ZNF707: variants seen among roughly 807,000 people sequenced by gnomAD.
ZNF707 encodes zinc finger protein 707.
ZNF707 carries 8 observed loss-of-function variants against 13.3 expected under a neutral mutation model. The ratio of observed to expected loss-of-function variants is 0.60; its 90% CI spans 0.35 to 1.09. The LOEUF (loss-of-function observed/expected upper bound fraction) is 1.09, where lower values mean the gene tolerates loss of function less well. ZNF707 is among the 50% of genes least tolerant of loss of function. The probability of loss-of-function intolerance (pLI) is 0.02; values close to 1 mark genes in which losing one functional copy is unlikely to be tolerated. For missense variants in ZNF707, 530 were observed against 512.6 expected (o/e 1.03, Z -0.33); for synonymous variants, 225 against 205.6 (o/e 1.09, Z -0.81).
chr8:143,688,991 T>C (rs1350461269), intron 1 of ZNF707: 1 of 152,386 alleles, frequency 6.6e-6, no homozygotes, highest in South Asian at 2.1e-4. Flanking sequence ...TAGCGTCTGC[T>C]CTTCCTCTGT....
rs782516005 is a variant in ZNF707 at position 143,691,740 on chromosome 8, C to T, written c.256+27C>T. 6.9e-5 allele frequency: 106 copies of T among 1,538,570 alleles called. No individual in the cohort carries two copies. Among genetic ancestry groups the T allele is most frequent in the Middle Eastern group, 2.0e-4 (1 of 4,944 alleles). On this transcript the variant is annotated intron_variant, in intron 5 of 5. Transcript: ENST00000358656. Reference sequence around the variant, plus strand: ...TGAGTGCTGGGCTGTCTGGGCTCGGCGGGCCCCGTCCCTGTGGCCCACAGC... The same window carrying T: ...TGAGTGCTGGGCTGTCTGGGCTCGGTGGGCCCCGTCCCTGTGGCCCACAGC...
chr8:143,692,904 G>T (rs1186251826), intron 5 of ZNF707, among the ~76,000 whole-genome samples: 1 of 151,852 alleles, frequency 6.6e-6, no homozygotes, highest in African/African-American at 2.4e-5. Flanking sequence ...TGGAGCCCCC[G>T]GCTGAAGGGA....
Position 143,693,801 on chromosome 8 carries a change from T to C in ZNF707, c.387T>C (p.Asp129=). 1.9e-6 allele frequency: 3 copies of C among 1,612,852 alleles called. No homozygotes were observed. Among genetic ancestry groups the C allele is most frequent in the Non-Finnish European group, 2.5e-6 (3 of 1,179,836 alleles). ...GGAAGGGCTTCAGGCTGGACACGGA[T>C]GACGGGCAGCTTCCCAGAGCTGCTC... The part of the protein sequence containing the change: ...SFRKGFRLDT[D]DGQLPRAAPE... Residue 129 remains aspartate, a synonymous_variant, in exon 6 of 6, where the codon GAT becomes GAC. Transcript: ENST00000358656. The surrounding 1 kb of genome is among the most constrained non-coding windows in gnomAD (Gnocchi z 4.1).
chr8:143,691,311 G>C, intron 4 of ZNF707, 112 bp downstream of exon 4: 1 of 1,456,954 alleles, frequency 6.9e-7, no homozygotes, highest in East Asian at 2.4e-5. Context: ...AGCTGAGGGG[G>C]CTCAGGAGCT....
intron 2 of ZNF707, 57 bp from the exon 3 acceptor site, chr8:143,690,000 A>G (rs1816653899): frequency 4.3e-6 from 6 of 1,409,338 alleles, no homozygotes. Context: ...TCCTGGGGTC[A>G]GGTGCGGGGG....
At chr8:143,690,312 C>T (rs1816689499) in intron 3 of ZNF707, 189 bp downstream of exon 3, 3 of 656,698 alleles carry the variant, frequency 4.6e-6, no homozygotes, top group Non-Finnish European at 7.6e-6. Flanking sequence ...TGCCTCACGC[C>T]TGTAATCCTA....
At position 143,693,520 on chromosome 8, in the gene ZNF707, C is replaced by T. The variant is rs1311314279; in HGVS notation, c.257-151C>T. 4.0e-6 allele frequency: 3 copies of T among 744,090 alleles called. No homozygotes were observed. The highest frequency in any genetic ancestry group is 4.0e-6 in the Non-Finnish European group (2 of 502,038). The allele number at this position is 744,090 out of a possible 1,614,324, so 46.1% of individuals were successfully genotyped here. Reference sequence around the variant, plus strand: ...CCTTGTTAGCCAGGATGGTCTCGATCTCCTGACCTCATGATCCACCCGCCT... The same window carrying T: ...CCTTGTTAGCCAGGATGGTCTCGATTTCCTGACCTCATGATCCACCCGCCT... On this transcript the variant is annotated intron_variant, in intron 5 of 5. Transcript: ENST00000358656. The surrounding 1 kb of genome is among the most constrained non-coding windows in gnomAD (Gnocchi z 4.1).
Position 143,690,097 on chromosome 8 carries a change from C to T in ZNF707, c.-12C>T, listed in dbSNP as rs200774107. On this transcript the variant is annotated 5_prime_UTR_variant, in exon 3 of 6. Coordinates refer to ENST00000358656, the MANE Select transcript of ZNF707 (RefSeq NM_001100598.2). ...CACTGTGCTTCCCCAGAGGGGTGGC[C>T]TCGCTGTTCCCATGGACATGGCCCA... 6.2e-7 allele frequency: 1 copy of T among 1,608,606 alleles called. No individual in the cohort carries two copies. The highest frequency in any genetic ancestry group is 8.5e-7 in the Non-Finnish European group (1 of 1,179,732).
intron 5 of ZNF707, chr8:143,692,007 A>G (rs2131531366): frequency 6.9e-7 from 1 of 1,452,380 alleles, no homozygotes; most frequent in African/African-American, 1.4e-5. Context: ...CTAGCCACCC[A>G]GGTGCTGTCC....
chr8:143,691,085 T>C lies in ZNF707; in HGVS notation c.28T>C (p.Phe10Leu). The C allele has an allele frequency of 6.2e-7, 1 of 1,613,898 alleles. No individual in the cohort carries two copies. The highest frequency in any genetic ancestry group is 2.2e-5 in the East Asian group (1 of 44,882). Residue 10 changes from phenylalanine (F) to leucine (L), a missense_variant, in exon 4 of 6, where the codon TTC (phenylalanine) becomes CTC (leucine). Phe to Leu is a conservative substitution (Grantham distance 22). Transcript: ENST00000358656. The part of the protein sequence containing the change: MDMAQEPVT[F>L]RDVAIYFSRE... Reference sequence around the variant, plus strand: ...GTGTGTGTTGCAGGAGCCAGTGACCTTCAGGGACGTGGCCATCTACTTCTC... The same window carrying C: ...GTGTGTGTTGCAGGAGCCAGTGACCCTCAGGGACGTGGCCATCTACTTCTC...
intron 1 of ZNF707, among the ~76,000 whole-genome samples, chr8:143,686,096 T>A (rs9792378): frequency 0.15 from 22,903 of 151,688 alleles, 2,294 homozygotes; most frequent in East Asian, 0.47. Context: ...GTTTTTTTTT[T>A]GTTTTTGTTT....
rs34379518 is a variant in ZNF707, at chr8:143,688,635, C to CTTTTTTT, written c.-150-552_-150-546dup. 5.3e-4 allele frequency: 47 copies of CTTTTTTT among 88,468 alleles called. 1 individual carries two copies. Among genetic ancestry groups the CTTTTTTT allele is most frequent in the Non-Finnish European group, 8.3e-4 (38 of 45,828 alleles). The allele number at this position is 88,468 out of a possible 1,614,324, so 5.5% of individuals were successfully genotyped here. A position where few individuals can be genotyped will look rare whatever the true frequency, so the allele number is the denominator to read the frequency against. On this transcript the variant is annotated intron_variant, in intron 1 of 5. Transcript: ENST00000358656. ...TTGGTAGGTAATTTTTTTGTAATAT[C>CTTTTTTT]TTTTTTTTTTTTTTTTTTTTTTTCA...
chr8:143,689,840 A>G (rs1376356629), intron 2 of ZNF707, among the ~76,000 whole-genome samples: 1 of 152,108 alleles, frequency 6.6e-6, no homozygotes, highest in Non-Finnish European at 1.5e-5. Context: ...GAGGTGGCAC[A>G]CTGTACCCAG....
intron 5 of ZNF707, chr8:143,692,112 G>A (rs1816864572): frequency 7.6e-7 from 1 of 1,321,990 alleles, no homozygotes; most frequent in Non-Finnish European, 9.9e-7. Flanking sequence ...CTCCAGGTAT[G>A]TGGCTCTGGG....
rs759246850 is a variant in ZNF707, at chr8:143,694,042, G to A, written c.628G>A (p.Gly210Ser). ...CAAGGCCTTCGAGTGCCCCGAGTGC[G>A]GCCAGACCTTCCGGTGGGCTTCAAA... ...GTKAFECPEC[G>S]QTFRWASNLQ... The change falls in exon 6 of 6, where the codon GGC becomes AGC. Residue 210 changes from glycine to serine, a missense_variant. Coordinates refer to ENST00000358656, the MANE Select transcript of ZNF707 (RefSeq NM_001100598.2). This position sits in a 1 kb window ranked among gnomAD's most constrained non-coding sequence, Gnocchi z 4.4. 9 of 1,607,288 alleles carry A rather than the reference G, an allele frequency of 5.6e-6. No homozygotes were observed. The highest frequency in any genetic ancestry group is 5.1e-6 in the Non-Finnish European group (6 of 1,177,882).
rs781791350 is a variant in ZNF707 at position 143,694,556 on chromosome 8, G to A, written c.*26G>A. On this transcript the variant is annotated 3_prime_UTR_variant, in exon 6 of 6. Transcript: ENST00000358656. The surrounding 1 kb of genome is among the most constrained non-coding windows in gnomAD (Gnocchi z 4.4). ...GGGCGCCCGAAGAGTGGGGTGCTGC[G>A]CCTCTGCGGGAGTACTGGGTCCTGA... The A allele has an allele frequency of 2.0e-5, 31 of 1,559,304 alleles. No homozygotes were observed. Among genetic ancestry groups the A allele is most frequent in the East Asian group, 1.6e-4 (7 of 44,094 alleles).
In ZNF707 at chr8:143,694,721, G is replaced by A; in HGVS notation, c.*191G>A. ...CCAGGTGGGAGAAGCAGAGCCATGG[G>A]TACGCCGGAGATGGCGGGGGCTCTG... On this transcript the variant is annotated 3_prime_UTR_variant, in exon 6 of 6. Transcript: ENST00000358656. The surrounding 1 kb of genome is among the most constrained non-coding windows in gnomAD (Gnocchi z 4.4). 3.1e-6 allele frequency: 2 copies of A among 637,736 alleles called. No individual in the cohort carries two copies. The highest frequency in any genetic ancestry group is 5.1e-6 in the Non-Finnish European group (2 of 391,434). 39.5% of individuals were successfully genotyped at this position (637,736 alleles called of 1,614,324 possible).
At chr8:143,690,210 C>G (rs1816678405) in intron 3 of ZNF707, 87 bp downstream of exon 3, 1 of 1,532,884 alleles carries the variant, frequency 6.5e-7, no homozygotes, top group Non-Finnish European at 8.9e-7. Context: ...GGGTCTGTGG[C>G]AGTGGCTTCC....
Position 143,693,534 on chromosome 8 carries a change from A to G in ZNF707, c.257-137A>G. 1 of 915,660 alleles carries G rather than the reference A, an allele frequency of 1.1e-6. No homozygotes were observed. Among genetic ancestry groups the G allele is most frequent in the Admixed American group, 3.4e-5 (1 of 29,054 alleles). The allele number at this position is 915,660 out of a possible 1,614,324, so 56.7% of individuals were successfully genotyped here. A position where few individuals can be genotyped will look rare whatever the true frequency, so the allele number is the denominator to read the frequency against. ...ATGGTCTCGATCTCCTGACCTCATG[A>G]TCCACCCGCCTCGGCCTCCCAAAGT... On this transcript the variant is annotated intron_variant, in intron 5 of 5. Coordinates refer to ENST00000358656, the MANE Select transcript of ZNF707 (RefSeq NM_001100598.2). This position sits in a 1 kb window ranked among gnomAD's most constrained non-coding sequence, Gnocchi z 4.1.
Sources: gnomAD v4.1 joint callset for allele counts (sites outside exome capture counted in the v4.1 genomes callset) on GRCh38, gnomAD v4.1.1 for gene constraint, Gnocchi (gnomAD v3.1) non-coding constraint, MANE v1.5 for transcripts, NCBI Gene and HGNC (gene_info 2026-07-23, HGNC 2026-07-21) for gene names.